CDRT4: variants seen among roughly 807,000 people sequenced by gnomAD.
The protein encoded by CDRT4 is CMT1A duplicated region transcript 4, also known as CMT1A duplicated region transcript 4 protein.
For missense variants in CDRT4, 167 were observed against 193.1 expected (o/e 0.87, Z 0.80); for synonymous variants, 64 against 69.6 (o/e 0.92, Z 0.40).
intron 2 of CDRT4, chr17:15,443,730 G>T: frequency 2.1e-6 from 1 of 475,666 alleles, no homozygotes. Context: ...AAGGGCCCCA[G>T]AGGGACTTCA....
chr17:15,465,270 AC>A (rs1344040229), intron 1 of CDRT4, among the ~76,000 whole-genome samples: 5 of 138,856 alleles, frequency 3.6e-5, no homozygotes, highest in Admixed American at 2.1e-4. Context: ...CAACACACAC[AC>A]CAACACAAAC....
rs1978589450 is a variant in CDRT4 at position 15,438,163 on chromosome 17, A to C, written c.69T>G (p.Leu23=). 3 of 1,613,984 alleles carry C rather than the reference A, an allele frequency of 1.9e-6. No homozygotes were observed. Among genetic ancestry groups the C allele is most frequent in the Middle Eastern group, 1.6e-4 (1 of 6,084 alleles). Residue 23 remains leucine (L), a synonymous_variant, in exon 4 of 4, where the codon CTT becomes CTG. Transcript: ENST00000619038. ...TENTGLPRKL[L]EKHDPWPAYV... ...AGGCCGGCCAGGGGTCATGTTTTTC[A>C]AGTAGCTTCCGGGGAAGTCCAGTGT...
intron 2 of CDRT4, among the ~76,000 whole-genome samples, chr17:15,444,714 CAGAGAGAG>C (rs59581257): frequency 7.8e-4 from 106 of 135,930 alleles, no homozygotes; most frequent in African/African-American, 2.9e-3. Flanking sequence ...TAGCCAAGCG[CAGAGAGAG>C]AGAGAGAGAG....
chr17:15,460,125 A>C (rs1567614203), intron 1 of CDRT4, among the ~76,000 whole-genome samples: 1 of 152,064 alleles, frequency 6.6e-6, no homozygotes, highest in Non-Finnish European at 1.5e-5. Context: ...ACATCTCCTC[A>C]AAGATAGTTT....
At chr17:15,461,753 T>C (rs1567614637) in intron 1 of CDRT4, among the ~76,000 whole-genome samples, 1 of 152,090 alleles carries the variant, frequency 6.6e-6, no homozygotes, top group African/African-American at 2.4e-5. Context: ...TTTGCTTTGA[T>C]AGGAATATAG....
rs1160904897 is a variant in CDRT4, at chr17:15,440,343, C to A, written c.-47-58G>T. The A allele has an allele frequency of 6.9e-6, 11 of 1,582,838 alleles. No individual in the cohort carries two copies. In the African/African-American group the frequency reaches 1.5e-4, roughly 21 times the overall value. ...CCTCAAACTGGAAAGCAATTAGTAG[C>A]CACCCTGGGTGGGGGTGGTTCTAAG... is the stretch of plus-strand genomic sequence containing the variant. On this transcript the variant is annotated intron_variant, in intron 2 of 3. Coordinates refer to ENST00000619038, the MANE Select transcript of CDRT4 (RefSeq NM_001204477.2).
chr17:15,439,213 G>A (rs1280547503), intron 3 of CDRT4: 3 of 454,198 alleles, frequency 6.6e-6, no homozygotes, highest in East Asian at 7.0e-5. Context: ...CATTTCAACT[G>A]GAGTTTTGCA....
intron 2 of CDRT4, among the ~76,000 whole-genome samples, chr17:15,451,225 T>C (rs1486555285): frequency 6.6e-6 from 1 of 152,192 alleles, no homozygotes; most frequent in East Asian, 1.9e-4. Flanking sequence ...CATGCTGTCT[T>C]GCCTGCTGCC....
intron 1 of CDRT4, among the ~76,000 whole-genome samples, chr17:15,459,074 T>G (rs1293469147): frequency 6.6e-6 from 1 of 152,304 alleles, no homozygotes; most frequent in East Asian, 1.9e-4. Context: ...GCGTGAGGGC[T>G]CCTATGCTCC....
At chr17:15,455,144 G>A (rs778753417) in intron 1 of CDRT4, among the ~76,000 whole-genome samples, 19 of 152,146 alleles carry the variant, frequency 1.2e-4, no homozygotes, top group Middle Eastern at 3.2e-3. Context: ...AACAAGTGTG[G>A]ATGCTGTCTT....
chr17:15,448,914 A>T (rs1051974983), intron 2 of CDRT4, among the ~76,000 whole-genome samples: 1 of 152,188 alleles, frequency 6.6e-6, no homozygotes, highest in Non-Finnish European at 1.5e-5. Context: ...GCAGACCTCC[A>T]GCCCAGCAGT....
chr17:15,459,790 G>C (rs1979666926), intron 1 of CDRT4, among the ~76,000 whole-genome samples: 1 of 152,108 alleles, frequency 6.6e-6, no homozygotes, highest in Non-Finnish European at 1.5e-5. Flanking sequence ...CAATGAGGTA[G>C]AATTCCATTC....
chr17:15,440,768 C>G (rs112766570), intron 2 of CDRT4, among the ~76,000 whole-genome samples: 8 of 152,208 alleles, frequency 5.3e-5, no homozygotes, highest in African/African-American at 1.9e-4. Context: ...ACCAGGGCCC[C>G]AAGCCCAGGC....
At chr17:15,460,466 C>A (rs533233463) in intron 1 of CDRT4, among the ~76,000 whole-genome samples, 2 of 152,310 alleles carry the variant, frequency 1.3e-5, no homozygotes, top group African/African-American at 2.4e-5. Context: ...CCCATTGAGC[C>A]TTCCCAGCAA....
In CDRT4 at chr17:15,437,879, G is replaced by T. The variant is rs778817741; in HGVS notation, c.353C>A (p.Pro118His). 5 of 1,614,030 alleles carry T rather than the reference G, an allele frequency of 3.1e-6. No homozygotes were observed. The African/African-American group carries it at 6.7e-5, about 22-fold the overall frequency. Residue 118 changes from proline (P) to histidine (H), a missense_variant, in exon 4 of 4, where the codon CCC becomes CAC. Pro to His is a moderately conservative substitution (Grantham distance 77). Transcript: ENST00000619038. ...TCTGGAATCCGCATGTAAGTGTGTG[G>T]GTTCTGGGATCATGGTAGGAGCCAT... ...LAMAPTMIPEPTHLHADSRDC... is the reference protein window; with the variant it reads ...LAMAPTMIPEHTHLHADSRDC...
At chr17:15,466,871 G>C (rs991077900) in intron 1 of CDRT4, among the ~76,000 whole-genome samples, 1 of 152,192 alleles carries the variant, frequency 6.6e-6, no homozygotes, top group African/African-American at 2.4e-5. Flanking sequence ...TTTTAAATAA[G>C]TGACTTGATT....
At chr17:15,443,894 C>G in intron 2 of CDRT4, 1 of 634,786 alleles carries the variant, frequency 1.6e-6, no homozygotes, top group South Asian at 1.4e-5. Flanking sequence ...GCTTCCACTA[C>G]AAGTTGAGGT....
intron 1 of CDRT4, among the ~76,000 whole-genome samples, chr17:15,465,045 AAC>A (rs149501322): frequency 0.077 from 11,358 of 146,928 alleles, 721 homozygotes; most frequent in East Asian, 0.24. Flanking sequence ...AGACACACAT[AAC>A]ACAGACACAC....
intron 1 of CDRT4, among the ~76,000 whole-genome samples, chr17:15,462,119 G>A (rs937318619): frequency 7.4e-5 from 11 of 149,218 alleles, no homozygotes; most frequent in African/African-American, 2.5e-4. Context: ...AAGGGTCAGG[G>A]GAGAGGTCTC....
Sources: allele counts gnomAD v4.1 joint callset (sites outside exome capture counted in the v4.1 genomes callset), GRCh38; gene constraint gnomAD v4.1.1; transcripts MANE v1.5; gene names NCBI Gene and HGNC (gene_info 2026-07-23, HGNC 2026-07-21).